Variants in TARDBP observed in about 807,000 individuals in gnomAD.
TARDBP encodes the protein TAR DNA-binding protein 43.
TARDBP carries 4 observed loss-of-function variants against 38.3 expected under a neutral mutation model. That is an observed-to-expected ratio of 0.10 (90% CI 0.05 to 0.24). TARDBP has a LOEUF of 0.24. Ranked by LOEUF, TARDBP falls within the 10% of genes least tolerant of loss-of-function variation. The probability of loss-of-function intolerance (pLI) is 1.00; values close to 1 mark genes in which losing one functional copy is unlikely to be tolerated. For missense variants in TARDBP, 202 were observed against 521.9 expected, an observed-to-expected ratio of 0.39 and a Z score of 5.97; for synonymous variants, 184 against 183.8, an observed-to-expected ratio of 1.00 and a Z score of -0.01.
chr1:11,019,468 C>T (rs146591889), intron 4 of TARDBP, among the ~76,000 whole-genome samples: 39 of 152,234 alleles, frequency 2.6e-4, no homozygotes, highest in African/African-American at 9.1e-4. Context: ...GTGTTGAGTA[C>T]AGTAACTTGA....
At chr1:11,030,375 C>A (rs938025749), downstream of TARDBP, 5 of 661,680 alleles carry the variant, frequency 7.6e-6, no homozygotes, top group African/African-American at 7.3e-5. Context: ...GTCTGAAGAA[C>A]CATTTTACAT....
chr1:11,015,239 A>G (rs1046071824), intron 2 of TARDBP, among the ~76,000 whole-genome samples: 1 of 151,906 alleles, frequency 6.6e-6, no homozygotes, highest in African/African-American at 2.4e-5. Context: ...TAATCCCAGC[A>G]CTTTGGGAGG....
chr1:11,030,111 C>A, downstream of TARDBP: 1 of 1,187,658 alleles, frequency 8.4e-7, no homozygotes, highest in Non-Finnish European at 1.2e-6. Context: ...AAGCTCTCCT[C>A]ACTGTCTCCT....
chr1:11,027,188 C>T, downstream of TARDBP: 1 of 1,614,176 alleles, frequency 6.2e-7, no homozygotes, highest in Admixed American at 1.7e-5. Context: ...TGTCGACATA[C>T]ATTAGATTTC....
chr1:11,013,193 C>T (rs1370653497), intron 1 of TARDBP, among the ~76,000 whole-genome samples: 2 of 152,200 alleles, frequency 1.3e-5, no homozygotes, highest in East Asian at 3.9e-4. Flanking sequence ...CCCCCGGAAG[C>T]CCCAAAATGA....
Position 11,022,663 on chromosome 1 carries a change from G to A in TARDBP, c.*9G>A, listed in dbSNP as rs1414849358. The A allele has an allele frequency of 1.2e-6, 2 of 1,608,232 alleles. No homozygotes were observed. The highest frequency in any genetic ancestry group is 1.7e-6 in the Non-Finnish European group (2 of 1,177,482). ...CTGGCTGGGGAATGTAGACAGTGGG[G>A]TTGTGGTTGGTTGGTATAGAATGGT... On this transcript the variant is annotated 3_prime_UTR_variant, in exon 6 of 6. Coordinates refer to ENST00000240185, the MANE Select transcript of TARDBP (RefSeq NM_007375.4). This position sits in a 1 kb window ranked among gnomAD's most constrained non-coding sequence, Gnocchi z 4.5.
downstream of TARDBP, chr1:11,030,317 AC>A (rs142152804): frequency 7.8e-3 from 8,630 of 1,103,594 alleles, 402 homozygotes; most frequent in African/African-American, 0.11. Flanking sequence ...TTGCTTGAAT[AC>A]CCCCTTGAAA....
intron 4 of TARDBP, 138 bp downstream of exon 4, chr1:11,019,011 C>T: frequency 8.8e-7 from 1 of 1,141,534 alleles, no homozygotes; most frequent in East Asian, 2.4e-5. Flanking sequence ...AGTCTTTGGC[C>T]CTTAGTGCAT....
intron 3 of TARDBP, among the ~76,000 whole-genome samples, chr1:11,017,601 C>G (rs1643554003): frequency 6.6e-6 from 1 of 152,096 alleles, no homozygotes; most frequent in Admixed American, 6.5e-5. Flanking sequence ...ATGTTATTGC[C>G]TTTGATATTG....
At chr1:11,013,520 C>T (rs957488925) in intron 1 of TARDBP, among the ~76,000 whole-genome samples, 196 bp from the exon 2 acceptor site, 2 of 152,188 alleles carry the variant, frequency 1.3e-5, no homozygotes, top group African/African-American at 2.4e-5. Flanking sequence ...AATGAACTGG[C>T]GAGGCATCAC....
chr1:11,015,900 G>A (rs1173140781), intron 2 of TARDBP, among the ~76,000 whole-genome samples: 4 of 149,218 alleles, frequency 2.7e-5, no homozygotes, highest in Non-Finnish European at 4.5e-5. Context: ...CTGCCACCAC[G>A]CCTGGCTAAT....
At chr1:11,014,952 G>C (rs954143632) in intron 2 of TARDBP, among the ~76,000 whole-genome samples, 1 of 150,714 alleles carries the variant, frequency 6.6e-6, no homozygotes, top group African/African-American at 2.4e-5. Flanking sequence ...AAAAAAAAAC[G>C]AAAACAAAAA....
intron 1 of TARDBP, 106 bp from the exon 2 acceptor site, chr1:11,013,610 G>GC (rs1643458521): frequency 2.1e-6 from 2 of 938,400 alleles, no homozygotes; most frequent in Admixed American, 2.0e-5. Flanking sequence ...ATCCAGACAA[G>GC]CATTTTTCTG....
At position 11,022,996 on chromosome 1, in the gene TARDBP, C is replaced by T. The variant is rs533778494; in HGVS notation, c.*342C>T. The T allele has an allele frequency of 1.8e-5, 25 of 1,398,810 alleles. No homozygotes were observed. In the South Asian group the frequency reaches 2.6e-4, roughly 15 times the overall value. 86.6% of individuals were successfully genotyped at this position (1,398,810 alleles called of 1,614,324 possible). ...AAGTGAATTCTTTGCATGTTCAAAA[C>T]GGAAACCATTGATTAGAACTACATT... On this transcript the variant is annotated 3_prime_UTR_variant, in exon 6 of 6. Coordinates refer to ENST00000240185, the MANE Select transcript of TARDBP (RefSeq NM_007375.4). This position sits in a 1 kb window ranked among gnomAD's most constrained non-coding sequence, Gnocchi z 4.5.
chr1:11,021,108 T>A (rs1276317519), intron 5 of TARDBP, among the ~76,000 whole-genome samples: 2 of 152,136 alleles, frequency 1.3e-5, no homozygotes, highest in Non-Finnish European at 2.9e-5. Flanking sequence ...TTTAGATAAT[T>A]TTCAGTATGT....
chr1:11,029,908 G>A (rs1280934087), downstream of TARDBP: 2 of 279,730 alleles, frequency 7.1e-6, no homozygotes, highest in African/African-American at 4.5e-5. Context: ...ACAGGCGTGA[G>A]CCACACCTGG....
intron 1 of TARDBP, among the ~76,000 whole-genome samples, chr1:11,013,091 C>T (rs967261900): frequency 6.6e-5 from 10 of 152,254 alleles, no homozygotes; most frequent in South Asian, 2.1e-4. Context: ...CGAGAAACTC[C>T]TCCCTCGGCT....
At chr1:11,012,828 C>T (rs4133584) in intron 1 of TARDBP, 85 bp downstream of exon 1, 97,381 of 152,408 alleles carry the variant, frequency 0.64, 35,525 homozygotes, top group Non-Finnish European at 0.81. Context: ...GCAGCGGCTT[C>T]GGACCCTGCC....
At chr1:11,018,974 G>T (rs1314270657) in intron 4 of TARDBP, 101 bp downstream of exon 4, 1 of 1,541,636 alleles carries the variant, frequency 6.5e-7, no homozygotes, top group Non-Finnish European at 9.0e-7. Context: ...GGCAGGGTGT[G>T]TTCATGAAAT....
Sources: gnomAD v4.1 joint callset for allele counts (sites outside exome capture counted in the v4.1 genomes callset) on GRCh38, gnomAD v4.1.1 for gene constraint, Gnocchi (gnomAD v3.1) non-coding constraint, MANE v1.5 for transcripts, NCBI Gene and HGNC (gene_info 2026-07-23, HGNC 2026-07-21) for gene names.